Variants in SPANXN2 observed in about 807,000 individuals in gnomAD.
The protein encoded by SPANXN2 is sperm protein associated with the nucleus on the X chromosome N2.
SPANXN2 carries 1 observed loss-of-function variant against 2.0 expected under a neutral mutation model. The observed-to-expected ratio is 0.50, with a 90% CI of 0.18 to 2.36. The LOEUF (loss-of-function observed/expected upper bound fraction) is 2.36, where lower values mean the gene tolerates loss of function less well. Ranked by LOEUF, SPANXN2 falls within the 30% of genes most tolerant of loss-of-function variation. The pLI, the probability that SPANXN2 is intolerant of heterozygous loss-of-function variation, is 0.26. For synonymous variants in SPANXN2, 43 were observed against 49.8 expected, an observed-to-expected ratio of 0.86 and a Z score of 0.58; for missense variants, 88 against 116.7, an observed-to-expected ratio of 0.75 and a Z score of 1.13.
Position 143,717,905 on chromosome X carries a change from C to T in SPANXN2, c.78+2686G>A, listed in dbSNP as rs781927668. Among the ~76,000 whole-genome samples the T allele has an allele frequency of 1.7e-4, 19 of 111,627 alleles. No homozygotes were observed. In the East Asian group the frequency reaches 5.1e-3, roughly 30 times the overall value. ...GATACATTCTCTGGATGAATAAAAG[C>T]TTTTCCTACCACCACCAAAAAGGCA... On this transcript the variant is annotated intron_variant, in intron 1 of 1. Transcript: ENST00000598475.
rs189506281 is a variant in SPANXN2, at chrX:143,714,291, T to C, written c.79-1792A>G. Among the ~76,000 whole-genome samples, 6 of 111,904 alleles carry C rather than the reference T, an allele frequency of 5.4e-5. No homozygotes were observed. The East Asian group carries it at 1.7e-3, about 32-fold the overall frequency. ...TTCTCTCTAGCTGAGTTTTCCCATA[T>C]TGAAAGGAGACTTGACTCCTTTTCA... On this transcript the variant is annotated intron_variant, in intron 1 of 1. Transcript: ENST00000598475.
At chrX:143,718,519 G>C (rs112471346) in intron 1 of SPANXN2, among the ~76,000 whole-genome samples, 15 of 111,482 alleles carry the variant, frequency 1.3e-4, no homozygotes, top group African/African-American at 4.6e-4. Flanking sequence ...AACATCCTTT[G>C]CACACTGAAT....
chrX:143,717,689 A>T (rs73637121), intron 1 of SPANXN2, among the ~76,000 whole-genome samples: 319 of 111,912 alleles, frequency 2.9e-3, no homozygotes, highest in African/African-American at 9.9e-3. Context: ...ACATTCTTCC[A>T]CCATGGTTGC....
At chrX:143,720,676 C>G (rs782011962) in exon 1 of SPANXN2, 33 of 1,207,727 alleles carry the variant, frequency 2.7e-5, no homozygotes, top group Admixed American at 1.5e-4. Context: ...CATGATTCTG[C>G]TTGGTTGTAG....
chrX:143,716,826 C>G (rs782630483), intron 1 of SPANXN2, among the ~76,000 whole-genome samples: 6 of 112,006 alleles, frequency 5.4e-5, no homozygotes, highest in Non-Finnish European at 1.1e-4. Flanking sequence ...CCTTCTATCC[C>G]TCCCACCATC....
intron 1 of SPANXN2, 78 bp from the exon 2 acceptor site, chrX:143,712,577 T>A: frequency 1.1e-6 from 1 of 941,651 alleles, no homozygotes; most frequent in Non-Finnish European, 1.5e-6. Flanking sequence ...AAGGGGGGCT[T>A]TATGAGAAGG....
chrX:143,712,540 G>A, intron 1 of SPANXN2, 41 bp from the exon 2 acceptor site: 2 of 1,147,366 alleles, frequency 1.7e-6, no homozygotes, highest in African/African-American at 3.6e-5. Flanking sequence ...TCATTATTTT[G>A]GGTGAATAGG....
intron 1 of SPANXN2, among the ~76,000 whole-genome samples, chrX:143,713,918 T>A (rs1417123663): frequency 1.8e-5 from 2 of 108,212 alleles, no homozygotes; most frequent in Non-Finnish European, 3.8e-5. Flanking sequence ...TCTCTCTCTC[T>A]CTCTCTCTCT....
chrX:143,719,616 T>A (rs1932326557), intron 1 of SPANXN2, among the ~76,000 whole-genome samples: 1 of 112,112 alleles, frequency 8.9e-6, no homozygotes, highest in African/African-American at 3.2e-5. Context: ...CGGCACAAAC[T>A]CTTATCTCTG....
At position 143,712,202 on chromosome X, in the gene SPANXN2, C is replaced by T. The variant is rs1556448408; in HGVS notation, c.376G>A (p.Glu126Lys). The T allele has an allele frequency of 1.6e-5, 7 of 437,621 alleles. No individual in the cohort carries two copies. Among genetic ancestry groups the T allele is most frequent in the East Asian group, 1.5e-4 (4 of 26,573 alleles). The allele number at this position is 437,621 out of a possible 1,213,427, so 36.1% of individuals were successfully genotyped here. A position where few individuals can be genotyped will look rare whatever the true frequency, so the allele number is the denominator to read the frequency against. Residue 126 changes from glutamate (E) to lysine (K), a missense_variant, in exon 2 of 2, where the codon GAA (glutamate) becomes AAA (lysine). Glu to Lys is a moderately conservative substitution (Grantham distance 56, BLOSUM62 1). This residue lies in a region of SPANXN2 where 29 missense variants were observed against 60.3 expected (regional missense o/e 0.48). Coordinates refer to ENST00000598475, the Ensembl canonical transcript of SPANXN2. ...GATCCTTCAGATGAGTCCAGGTCTT[C>T]GTCCTCCTGTGAAGATCCTTCAGAT... is the stretch of plus-strand genomic sequence containing the variant.
At chrX:143,720,026 A>T (rs1297780437) in intron 1 of SPANXN2, among the ~76,000 whole-genome samples, 1 of 110,599 alleles carries the variant, frequency 9.0e-6, no homozygotes, top group African/African-American at 3.3e-5. Context: ...GAAGTCCGTC[A>T]CCCCCTGCTT....
chrX:143,718,874 C>T (rs1316514252), intron 1 of SPANXN2, among the ~76,000 whole-genome samples: 1 of 110,995 alleles, frequency 9.0e-6, no homozygotes, highest in African/African-American at 3.3e-5. Context: ...GTGGGATATT[C>T]TAAGTCCCCA....
At chrX:143,712,668 G>A (rs1260210931) in intron 1 of SPANXN2, among the ~76,000 whole-genome samples, 169 bp from the exon 2 acceptor site, 1 of 110,711 alleles carries the variant, frequency 9.0e-6, no homozygotes, top group African/African-American at 3.3e-5. Context: ...AAGAAGAAGA[G>A]GAGCATGGGT....
At chrX:143,720,349 C>G (rs1300855271) in intron 1 of SPANXN2, among the ~76,000 whole-genome samples, 1 of 101,116 alleles carries the variant, frequency 9.9e-6, no homozygotes, top group Non-Finnish European at 2.0e-5. Context: ...GAAAAAGGAC[C>G]AAACAGCCTG....
Position 143,720,512 on chromosome X carries a change from T to G in SPANXN2, c.78+79A>C, listed in dbSNP as rs1268403124. The G allele has an allele frequency of 2.8e-6, 3 of 1,056,761 alleles. No individual in the cohort carries two copies. The African/African-American group carries it at 6.0e-5, about 21-fold the overall frequency. 87.1% of individuals were successfully genotyped at this position (1,056,761 alleles called of 1,213,427 possible). Reference sequence around the variant, plus strand: ...CTTCCACAGGTGTCTGCAGTATTCCTGTGTTGCTGTTTGAGCCGTCCCTTC... The same window carrying G: ...CTTCCACAGGTGTCTGCAGTATTCCGGTGTTGCTGTTTGAGCCGTCCCTTC... On this transcript the variant is annotated intron_variant, in intron 1 of 1. Coordinates refer to ENST00000598475, the Ensembl canonical transcript of SPANXN2.
At chrX:143,719,540 C>T (rs1359490411) in intron 1 of SPANXN2, among the ~76,000 whole-genome samples, 1 of 112,056 alleles carries the variant, frequency 8.9e-6, no homozygotes, top group Non-Finnish European at 1.9e-5. Context: ...CAACCCCCAC[C>T]TTCTCATGAC....
At chrX:143,712,019 G>C in exon 2 of SPANXN2, 3 of 1,211,837 alleles carry the variant, frequency 2.5e-6, no homozygotes, top group Non-Finnish European at 3.4e-6. Flanking sequence ...GTCCAATTTG[G>C]TTTCTCCATG....
chrX:143,712,656 GGAA>G (rs1318815070), intron 1 of SPANXN2, among the ~76,000 whole-genome samples, 157 bp from the exon 2 acceptor site: 2 of 110,603 alleles, frequency 1.8e-5, no homozygotes, highest in African/African-American at 6.6e-5. Context: ...TGATCTATGG[GGAA>G]GAAGAAGAGG....
rs79543398 is a variant in SPANXN2 at position 143,720,646 on chromosome X, G to A, written c.23C>T (p.Thr8Ile). The A allele has an allele frequency of 8.2e-3, 9,890 of 1,208,384 alleles. 486 individuals are homozygous for A. In the African/African-American group the frequency reaches 0.15, roughly 18 times the overall value. The change falls in exon 1 of 2, where the codon ACC becomes ATC. Residue 8 changes from threonine (T) to isoleucine (I), a missense_variant. By Grantham distance (89) the Thr-to-Ile change is moderately conservative. This residue lies in a region of SPANXN2 where 59 missense variants were observed against 56.4 expected (regional missense o/e 1.05). Coordinates refer to ENST00000598475, the Ensembl canonical transcript of SPANXN2. ...GGGGCTCTTCCTCTTCTCCCCATTGGTGCTTGAAGTCGGCTGTTCCATGAT... is the reference window on the plus strand; with the variant it reads ...GGGGCTCTTCCTCTTCTCCCCATTGATGCTTGAAGTCGGCTGTTCCATGAT...
Sources: allele counts gnomAD v4.1 joint callset (sites outside exome capture counted in the v4.1 genomes callset), GRCh38; gene constraint gnomAD v4.1.1; regional missense constraint gnomAD v4.1.1; transcripts MANE v1.5; gene names NCBI Gene and HGNC (gene_info 2026-07-23, HGNC 2026-07-21).